TARM1: variants seen among roughly 807,000 people sequenced by gnomAD.
The protein encoded by TARM1 is T-cell-interacting, activating receptor on myeloid cells protein 1.
In TARM1, 24 loss-of-function variants were observed where a neutral mutation model predicts 30.4. That is an observed-to-expected ratio of 0.79 (90% CI 0.57 to 1.11). The LOEUF is 1.11. TARM1 is among the 50% of genes least tolerant of loss of function. The probability of loss-of-function intolerance (pLI) is 0.00; values close to 1 mark genes in which losing one functional copy is unlikely to be tolerated. For missense variants in TARM1, 323 were observed against 332.8 expected (o/e 0.97, Z 0.23); for synonymous variants, 129 against 138.9 (o/e 0.93, Z 0.50).
chr19:54,075,920 T>C lies in TARM1; in HGVS notation c.35-2A>G, dbSNP rs1183035774. The C allele has an allele frequency of 6.4e-7, 1 of 1,551,088 alleles. No homozygotes were observed. The highest frequency in any genetic ancestry group is 8.7e-7 in the Non-Finnish European group (1 of 1,146,978). On this transcript the variant is annotated splice_acceptor_variant, in intron 1 of 4. Transcript: ENST00000432826. LOFTEE classifies it high-confidence loss of function. ...TGTCTCCTTGGCCCACGCACAGTCC[T>C]GCAAGACAATCCTCCGTGAGCCAGA...
intron 2 of TARM1, 106 bp from the exon 3 acceptor site, chr19:54,075,220 C>T: frequency 2.0e-6 from 2 of 1,007,142 alleles, no homozygotes; most frequent in East Asian, 2.7e-5. Flanking sequence ...TGGAGTCTCC[C>T]TCTGTTGCCC....
At chr19:54,079,382 AATTTG>A (rs1163132423) in intron 1 of TARM1, among the ~76,000 whole-genome samples, 1 of 152,038 alleles carries the variant, frequency 6.6e-6, no homozygotes, top group Non-Finnish European at 1.5e-5. Flanking sequence ...TGTGATTGTT[AATTTG>A]ATTTATCAGC....
chr19:54,080,841 C>T (rs980370521), intron 1 of TARM1, among the ~76,000 whole-genome samples: 21 of 151,790 alleles, frequency 1.4e-4, no homozygotes, highest in African/African-American at 3.9e-4. Flanking sequence ...GGCATGGTGG[C>T]GCACCCCTGT....
At chr19:54,078,029 G>A (rs1288654591) in intron 1 of TARM1, among the ~76,000 whole-genome samples, 1 of 152,056 alleles carries the variant, frequency 6.6e-6, no homozygotes, top group African/African-American at 2.4e-5. Flanking sequence ...TGGGATTACA[G>A]GCATGCACCA....
At position 54,074,854 on chromosome 19, in the gene TARM1, G is replaced by T. The variant is rs774762868; in HGVS notation, c.331C>A (p.His111Asn). 3 of 1,551,586 alleles carry T rather than the reference G, an allele frequency of 1.9e-6. No individual in the cohort carries two copies. The highest frequency in any genetic ancestry group is 2.0e-5 in the Admixed American group (1 of 50,968). Residue 111 changes from histidine (H) to asparagine (N), a missense_variant, in exon 3 of 5, where the codon CAC becomes AAC. Coordinates refer to ENST00000432826, the MANE Select transcript of TARM1 (RefSeq NM_001135686.3). ...RKASPHILSQ[H>N]SDVLLLLVTG... ...ACCAACAGTAGAAGGACGTCACTGT[G>T]CTGTGAAAGGATGTGGGGGGATGCT...
intron 4 of TARM1, 124 bp from the exon 5 acceptor site, chr19:54,070,284 A>T: frequency 7.3e-7 from 1 of 1,377,730 alleles, no homozygotes; most frequent in Non-Finnish European, 9.6e-7. Flanking sequence ...TTTTTTTGAG[A>T]CGGAGTTTTA....
chr19:54,073,830 A>G, intron 4 of TARM1, 90 bp downstream of exon 4: 1 of 1,417,370 alleles, frequency 7.1e-7, no homozygotes, highest in Non-Finnish European at 9.6e-7. Context: ...TGATATTGTA[A>G]GTAATGAAGA....
At chr19:54,071,565 C>G (rs1274006966) in intron 4 of TARM1, among the ~76,000 whole-genome samples, 1 of 152,074 alleles carries the variant, frequency 6.6e-6, no homozygotes, top group Admixed American at 6.6e-5. Flanking sequence ...CGCCTGTAAT[C>G]CCAGCACTGT....
intron 2 of TARM1, 127 bp from the exon 3 acceptor site, chr19:54,075,241 G>A (rs962739862): frequency 3.6e-5 from 29 of 810,428 alleles, no homozygotes; most frequent in Non-Finnish European, 5.0e-5. Flanking sequence ...AGGCTAGAGT[G>A]CAGTGGTGCA....
intron 4 of TARM1, among the ~76,000 whole-genome samples, chr19:54,071,634 A>G (rs1400583887): frequency 6.6e-6 from 1 of 151,970 alleles, no homozygotes; most frequent in Non-Finnish European, 1.5e-5. Context: ...CCTGGGCAAC[A>G]TGGCGAAACC....
intron 1 of TARM1, among the ~76,000 whole-genome samples, chr19:54,078,088 T>C (rs1176794971): frequency 6.6e-6 from 1 of 151,732 alleles, no homozygotes; most frequent in Non-Finnish European, 1.5e-5. Context: ...GGTTTCACCA[T>C]GTTGGTCAGG....
At chr19:54,073,774 T>G in intron 4 of TARM1, 146 bp downstream of exon 4, 8 of 1,066,464 alleles carry the variant, frequency 7.5e-6, no homozygotes, top group Non-Finnish European at 1.1e-5. Flanking sequence ...ATGACAGGCA[T>G]GAGCCACCAC....
intron 1 of TARM1, chr19:54,076,518 ACGC>A: frequency 3.0e-6 from 1 of 337,386 alleles, no homozygotes; most frequent in Admixed American, 5.0e-5. Flanking sequence ...ATGCGCCAGG[ACGC>A]CCGGCTGAGT....
rs1568513299 is a variant in TARM1 at position 54,080,476 on chromosome 19, G to GAA, written c.34+830_34+831insTT. ...CCATCTCAAAAAAAAAAAAAAGAAA[G>GAA]AGAGAGAGAGGAAGGAAGGGAGGAA... On this transcript the variant is annotated intron_variant, in intron 1 of 4. Transcript: ENST00000432826. 7.6e-4 allele frequency among the ~76,000 whole-genome samples: 80 copies of GAA among 105,652 alleles called. 1 individual carries two copies. The highest frequency in any genetic ancestry group is 1.5e-3 in the South Asian group (4 of 2,618). The allele number at this position is 105,652 out of a possible 152,430, so 69.3% of individuals were successfully genotyped here.
At chr19:54,076,286 TTTCA>T in intron 1 of TARM1, 1 of 1,336,166 alleles carries the variant, frequency 7.5e-7, no homozygotes, top group South Asian at 1.3e-5. Flanking sequence ...TCATTCTTTC[TTTCA>T]TTCATTCCAG....
At chr19:54,072,064 A>G (rs1194851200) in intron 4 of TARM1, among the ~76,000 whole-genome samples, 1 of 151,384 alleles carries the variant, frequency 6.6e-6, no homozygotes, top group Admixed American at 6.6e-5. Flanking sequence ...GGTGGCACAC[A>G]TATAGTCCCA....
intron 1 of TARM1, chr19:54,076,264 T>G: frequency 6.8e-7 from 1 of 1,478,302 alleles, no homozygotes; most frequent in African/African-American, 1.4e-5. Flanking sequence ...CTTTCTTTTT[T>G]CTTTCTTTCA....
At chr19:54,081,095 T>C (rs2072119563) in intron 1 of TARM1, among the ~76,000 whole-genome samples, 1 of 152,132 alleles carries the variant, frequency 6.6e-6, no homozygotes, top group African/African-American at 2.4e-5. Context: ...GGTGGAGGCA[T>C]TCAGCAAAAC....
chr19:54,079,109 A>C (rs1261898509), intron 1 of TARM1, among the ~76,000 whole-genome samples: 3 of 150,598 alleles, frequency 2.0e-5, no homozygotes, highest in African/African-American at 7.3e-5. Context: ...AAAAAAAAAA[A>C]AAAACTTAGC....
Sources: allele counts gnomAD v4.1 joint callset (sites outside exome capture counted in the v4.1 genomes callset), GRCh38; gene constraint gnomAD v4.1.1; transcripts MANE v1.5; gene names NCBI Gene and HGNC (gene_info 2026-07-23, HGNC 2026-07-21).